KCNQ1: variants seen among roughly 807,000 people sequenced by gnomAD.
KCNQ1 encodes the protein potassium voltage-gated channel subfamily KQT member 1.
In KCNQ1, 49 loss-of-function variants were observed where a neutral mutation model predicts 72.4. The ratio of observed to expected loss-of-function variants is 0.68; its 90% confidence interval spans 0.54 to 0.86. The LOEUF is 0.86. Ranked by LOEUF, KCNQ1 falls within the 40% of genes least tolerant of loss-of-function variation. The probability of loss-of-function intolerance (pLI) is 0.00; values close to 1 mark genes in which losing one functional copy is unlikely to be tolerated. For synonymous variants in KCNQ1, 450 were observed against 412.6 expected, an observed-to-expected ratio of 1.09 and a Z score of -1.10; for missense variants, 790 against 945.1, an observed-to-expected ratio of 0.84 and a Z score of 2.15.
Position 2,621,981 on chromosome 11 carries a change from C to CT in KCNQ1, c.1393+33133dup, listed in dbSNP as rs1292783689. The CT allele has an allele frequency of 5.0e-6, 2 of 398,086 alleles. No individual in the cohort carries two copies. The highest frequency in any genetic ancestry group is 4.1e-5 in the African/African-American group (2 of 48,572). 24.7% of individuals were successfully genotyped at this position (398,086 alleles called of 1,614,324 possible). A position where few individuals can be genotyped will look rare whatever the true frequency, so the allele number is the denominator to read the frequency against. ...TTTTGGGCTATTTGAAATATCTCTTCTTTTTTAATGTAGGCAAGGCATTTA... is the reference window on the plus strand; with the variant it reads ...TTTTGGGCTATTTGAAATATCTCTTCTTTTTTTAATGTAGGCAAGGCATTTA... On this transcript the variant is annotated intron_variant, in intron 10 of 15. Transcript: ENST00000155840. This position sits in a 1 kb window ranked among gnomAD's most constrained non-coding sequence, Gnocchi z 5.7.
chr11:2,603,600 A>G lies in KCNQ1; in HGVS notation c.1393+14746A>G, dbSNP rs1848837384. ...CTCTCTATGGGTTTGCCTATTCTGGACATTTTATATAAGTGGAATCATACA... is the reference window on the plus strand; with the variant it reads ...CTCTCTATGGGTTTGCCTATTCTGGGCATTTTATATAAGTGGAATCATACA... On this transcript the variant is annotated intron_variant, in intron 10 of 15. Transcript: ENST00000155840. This position sits in a 1 kb window ranked among gnomAD's most constrained non-coding sequence, Gnocchi z 4.1. Among the ~76,000 whole-genome samples, 1 of 152,062 alleles carries G rather than the reference A, an allele frequency of 6.6e-6. No individual in the cohort carries two copies. The highest frequency in any genetic ancestry group is 6.5e-5 in the Admixed American group (1 of 15,270).
In KCNQ1 at chr11:2,509,425, G is replaced by A. The variant is rs148181047; in HGVS notation, c.387-18503G>A. 6.6e-3 allele frequency among the ~76,000 whole-genome samples: 1,012 copies of A among 152,232 alleles called. 7 individuals are homozygous for A. Among genetic ancestry groups the A allele is most frequent in the Middle Eastern group, 0.034 (10 of 294 alleles). ...GCTCCCTTTGCTCCAGTGAGTGGCCGTTGGCTGGGAGGCTGGGTCTGTGCT... is the reference window on the plus strand; with the variant it reads ...GCTCCCTTTGCTCCAGTGAGTGGCCATTGGCTGGGAGGCTGGGTCTGTGCT... On this transcript the variant is annotated intron_variant, in intron 1 of 15. Coordinates refer to ENST00000155840, the MANE Select transcript of KCNQ1 (RefSeq NM_000218.3). The surrounding 1 kb of genome is among the most constrained non-coding windows in gnomAD (Gnocchi z 6.3).
chr11:2,591,134 A>AG (rs1255001067), intron 10 of KCNQ1, among the ~76,000 whole-genome samples: 1 of 152,228 alleles, frequency 6.6e-6, no homozygotes, highest in Non-Finnish European at 1.5e-5. Flanking sequence ...TATGCATGGC[A>AG]GAGAGGGGAC....
In KCNQ1 at chr11:2,671,922, C is replaced by G. The variant is rs1416520205; in HGVS notation, c.1514+9841C>G. 2.5e-6 allele frequency: 1 copy of G among 398,588 alleles called. No homozygotes were observed. Among genetic ancestry groups the G allele is most frequent in the Non-Finnish European group, 4.4e-6 (1 of 226,128 alleles). The allele number at this position is 398,588 out of a possible 1,614,324, so 24.7% of individuals were successfully genotyped here. ...CAGCCTGTGGGCCCCGCTATGCTTCCTCAGGCAGCTAGTCTCTGTATCTGG... is the reference window on the plus strand; with the variant it reads ...CAGCCTGTGGGCCCCGCTATGCTTCGTCAGGCAGCTAGTCTCTGTATCTGG... On this transcript the variant is annotated intron_variant, in intron 11 of 15. Transcript: ENST00000155840. This position sits in a 1 kb window ranked among gnomAD's most constrained non-coding sequence, Gnocchi z 4.7.
At chr11:2,789,334 G>A (rs1322237108) in intron 15 of KCNQ1, among the ~76,000 whole-genome samples, 1 of 152,174 alleles carries the variant, frequency 6.6e-6, no homozygotes, top group Middle Eastern at 3.2e-3. Flanking sequence ...GTGAAAACTA[G>A]AAACCCGTCA....
At chr11:2,640,680 A>C in intron 10 of KCNQ1, 1 of 398,174 alleles carries the variant, frequency 2.5e-6, no homozygotes, top group Non-Finnish European at 4.4e-6. Context: ...TATCATCTCT[A>C]TAGTTAGGAA....
At chr11:2,456,751 C>T (rs1298850030) in intron 1 of KCNQ1, among the ~76,000 whole-genome samples, 1 of 123,148 alleles carries the variant, frequency 8.1e-6, no homozygotes, top group Non-Finnish European at 1.6e-5. Context: ...GAAACCCTGT[C>T]TCTACTAAAA....
rs1850878089 is a variant in KCNQ1, at chr11:2,704,674, G to T, written c.1514+42593G>T. Among the ~76,000 whole-genome samples, 1 of 152,228 alleles carries T rather than the reference G, an allele frequency of 6.6e-6. No individual in the cohort carries two copies. Among genetic ancestry groups the T allele is most frequent in the African/African-American group, 2.4e-5 (1 of 41,458 alleles). On this transcript the variant is annotated intron_variant, in intron 11 of 15. Transcript: ENST00000155840. This position sits in a 1 kb window ranked among gnomAD's most constrained non-coding sequence, Gnocchi z 4.3. ...ACTACGGGGGACTTGCCGTCACCCA[G>T]TGAGAGAGATGGGAGGGTTGGAGAA... is the stretch of plus-strand genomic sequence containing the variant.
At chr11:2,490,421 T>C (rs1376444141) in intron 1 of KCNQ1, among the ~76,000 whole-genome samples, 1 of 152,198 alleles carries the variant, frequency 6.6e-6, no homozygotes, top group East Asian at 1.9e-4. Context: ...CCTGGGGCTT[T>C]GAGTGAACAT....
At chr11:2,733,036 C>T (rs1323207591) in intron 11 of KCNQ1, among the ~76,000 whole-genome samples, 1 of 152,132 alleles carries the variant, frequency 6.6e-6, no homozygotes, top group Non-Finnish European at 1.5e-5. Flanking sequence ...CACACCTGAG[C>T]CCATCCTCCA....
intron 11 of KCNQ1, among the ~76,000 whole-genome samples, chr11:2,742,981 T>A (rs1461521464): frequency 6.6e-6 from 1 of 152,190 alleles, no homozygotes; most frequent in Non-Finnish European, 1.5e-5. Context: ...TGCAGGTGGT[T>A]TGTTCTTGCC....
chr11:2,568,114 T>A (rs1167707542), intron 2 of KCNQ1, among the ~76,000 whole-genome samples: 2 of 151,534 alleles, frequency 1.3e-5, no homozygotes, highest in Non-Finnish European at 2.9e-5. Context: ...ACTAAAAAAA[T>A]ACAAAAAAAT....
In KCNQ1 at chr11:2,653,972, G is replaced by C; in HGVS notation, c.1394-7989G>C. The C allele has an allele frequency of 2.5e-6, 1 of 398,668 alleles. No homozygotes were observed. Among genetic ancestry groups the C allele is most frequent in the Admixed American group, 4.4e-5 (1 of 22,748 alleles). The allele number at this position is 398,668 out of a possible 1,614,324, so 24.7% of individuals were successfully genotyped here. A position where few individuals can be genotyped will look rare whatever the true frequency, so the allele number is the denominator to read the frequency against. On this transcript the variant is annotated intron_variant, in intron 10 of 15. Transcript: ENST00000155840. This position sits in a 1 kb window ranked among gnomAD's most constrained non-coding sequence, Gnocchi z 5.3. ...AACAACAGGTGTCCACTCAAGCAAG[G>C]TATTTTCCTAAGCGGAACTGGGTGC...
rs1312080705 is a variant in KCNQ1 at position 2,463,969 on chromosome 11, G to T, written c.386+18485G>T. 6.6e-6 allele frequency among the ~76,000 whole-genome samples: 1 copy of T among 152,254 alleles called. No homozygotes were observed. Among genetic ancestry groups the T allele is most frequent in the Non-Finnish European group, 1.5e-5 (1 of 68,046 alleles). ...CAGCAGGCTCACTGTCGGCAGTTGG[G>T]TCTGGTTTGATAACCGTGGACCGGG... On this transcript the variant is annotated intron_variant, in intron 1 of 15. Transcript: ENST00000155840. This position sits in a 1 kb window ranked among gnomAD's most constrained non-coding sequence, Gnocchi z 7.0.
chr11:2,459,663 C>T (rs568533606), intron 1 of KCNQ1, among the ~76,000 whole-genome samples: 18 of 152,054 alleles, frequency 1.2e-4, no homozygotes, highest in Non-Finnish European at 2.1e-4. Flanking sequence ...AACGGCTGAC[C>T]GTGAGGGCGT....
At chr11:2,840,895 G>A (rs1221925697) in intron 15 of KCNQ1, among the ~76,000 whole-genome samples, 1 of 152,106 alleles carries the variant, frequency 6.6e-6, no homozygotes, top group African/African-American at 2.4e-5. Context: ...AAATTGGCCG[G>A]GGCCTCACTT....
At chr11:2,807,407 C>G (rs139633112) in intron 15 of KCNQ1, among the ~76,000 whole-genome samples, 1 of 152,172 alleles carries the variant, frequency 6.6e-6, no homozygotes, top group Admixed American at 6.5e-5. Flanking sequence ...CCATGGAGAG[C>G]GGGACTGTGC....
At chr11:2,747,416 A>C (rs1036557832) in intron 11 of KCNQ1, among the ~76,000 whole-genome samples, 3 of 152,154 alleles carry the variant, frequency 2.0e-5, no homozygotes, top group Non-Finnish European at 2.9e-5. Context: ...GGGCTCGTCC[A>C]GCCTTCTGCT....
At chr11:2,829,201 A>G (rs1847895433) in intron 15 of KCNQ1, among the ~76,000 whole-genome samples, 1 of 152,242 alleles carries the variant, frequency 6.6e-6, no homozygotes. Context: ...AACACCAAAA[A>G]CAAAAGGCCA....
Sources: allele counts gnomAD v4.1 joint callset (sites outside exome capture counted in the v4.1 genomes callset), GRCh38; gene constraint gnomAD v4.1.1; non-coding constraint Gnocchi (gnomAD v3.1); transcripts MANE v1.5; gene names NCBI Gene and HGNC (gene_info 2026-07-23, HGNC 2026-07-21).